The following CCDC91 variants were observed in gnomAD, a reference collection of about 807,000 sequenced individuals.
CCDC91 encodes the protein coiled-coil domain containing 91.
Under a neutral mutation model 63.2 loss-of-function variants are expected in CCDC91, and 48 were observed. The ratio of observed to expected loss-of-function variants is 0.76; its 90% CI spans 0.60 to 0.97. CCDC91 has a LOEUF of 0.97. CCDC91 is among the 50% of genes least tolerant of loss of function. CCDC91 has a pLI of 0.00. For missense variants in CCDC91, 500 were observed against 494.6 expected (o/e 1.01, Z -0.10); for synonymous variants, 167 against 165.8 (o/e 1.01, Z -0.06).
intron 8 of CCDC91, among the ~76,000 whole-genome samples, chr12:28,427,963 A>G (rs1298441220): frequency 2.0e-5 from 3 of 152,214 alleles, no homozygotes; most frequent in African/African-American, 4.8e-5. Context: ...CAGTAAAGGC[A>G]TAAAGTAGGG....
chr12:28,326,042 A>G (rs1010799000), intron 6 of CCDC91, among the ~76,000 whole-genome samples: 3 of 152,142 alleles, frequency 2.0e-5, no homozygotes, highest in African/African-American at 7.2e-5. Flanking sequence ...TAATTCCTTT[A>G]TAGTTGAGGC....
intron 7 of CCDC91, among the ~76,000 whole-genome samples, chr12:28,389,331 T>G (rs569972872): frequency 6.6e-6 from 1 of 152,258 alleles, no homozygotes; most frequent in East Asian, 1.9e-4. Flanking sequence ...TATACCTACC[T>G]TTGTGGGCCT....
At chr12:28,273,501 G>C (rs867547847) in intron 3 of CCDC91, among the ~76,000 whole-genome samples, 2 of 152,162 alleles carry the variant, frequency 1.3e-5, no homozygotes, top group African/African-American at 2.4e-5. Flanking sequence ...TCCAGCACCT[G>C]TTGTTTCCTG....
chr12:28,394,193 G>A (rs985374939), intron 8 of CCDC91, among the ~76,000 whole-genome samples: 2 of 152,150 alleles, frequency 1.3e-5, no homozygotes, highest in Non-Finnish European at 2.9e-5. Context: ...ATTAGTCGTT[G>A]CAGTGGCTCA....
intron 3 of CCDC91, among the ~76,000 whole-genome samples, chr12:28,296,550 A>G (rs1478178172): frequency 1.3e-5 from 2 of 151,870 alleles, no homozygotes; most frequent in Non-Finnish European, 2.9e-5. Context: ...AAAAGCTATT[A>G]TATATTTTTC....
At chr12:28,484,293 G>T in intron 12 of CCDC91, 128 bp downstream of exon 12, 1 of 456,340 alleles carries the variant, frequency 2.2e-6, no homozygotes, top group Non-Finnish European at 3.9e-6. Flanking sequence ...CTTCATCTAA[G>T]GATATTTTCT....
At chr12:28,459,995 T>C (rs981997769) in intron 11 of CCDC91, among the ~76,000 whole-genome samples, 1 of 152,152 alleles carries the variant, frequency 6.6e-6, no homozygotes, top group Non-Finnish European at 1.5e-5. Flanking sequence ...AATTTACATA[T>C]AGGTACTTGT....
intron 8 of CCDC91, among the ~76,000 whole-genome samples, chr12:28,407,907 G>T (rs1259108931): frequency 2.0e-5 from 3 of 150,544 alleles, no homozygotes; most frequent in African/African-American, 7.3e-5. Context: ...TTGCTGCTAG[G>T]ACATAAGGAC....
At chr12:28,378,242 A>G (rs1239532039) in intron 7 of CCDC91, among the ~76,000 whole-genome samples, 1 of 152,090 alleles carries the variant, frequency 6.6e-6, no homozygotes, top group Non-Finnish European at 1.5e-5. Flanking sequence ...TGAAAAGGTC[A>G]GATATATGCT....
At chr12:28,524,526 A>G (rs1287859616) in intron 12 of CCDC91, among the ~76,000 whole-genome samples, 1 of 152,108 alleles carries the variant, frequency 6.6e-6, no homozygotes, top group Non-Finnish European at 1.5e-5. Context: ...GGTTTTTTGC[A>G]TATCTGTTCA....
chr12:28,512,707 C>T (rs1361749586), intron 12 of CCDC91, among the ~76,000 whole-genome samples: 1 of 151,814 alleles, frequency 6.6e-6, no homozygotes, highest in Non-Finnish European at 1.5e-5. Flanking sequence ...TTTGCCAGCC[C>T]CTGGTGTATA....
At chr12:28,420,344 T>C (rs11615857) in intron 8 of CCDC91, among the ~76,000 whole-genome samples, 188 of 152,326 alleles carry the variant, frequency 1.2e-3, no homozygotes, top group Non-Finnish European at 2.0e-3. Flanking sequence ...GTTTGAGCAC[T>C]GTTATTAGCT....
At chr12:28,474,618 G>C (rs1388059023) in intron 11 of CCDC91, among the ~76,000 whole-genome samples, 1 of 152,042 alleles carries the variant, frequency 6.6e-6, no homozygotes, top group Non-Finnish European at 1.5e-5. Flanking sequence ...AAAGAGGGAA[G>C]ATAGGGGGAC....
At chr12:28,268,730 TGGGGAA>T in intron 3 of CCDC91, 1 of 900,724 alleles carries the variant, frequency 1.1e-6, no homozygotes, top group Non-Finnish European at 1.3e-6. Flanking sequence ...AGGGATGGCA[TGGGGAA>T]GGGAGGAGGG....
chr12:28,530,291 C>T (rs182168690), intron 12 of CCDC91, among the ~76,000 whole-genome samples: 1 of 152,290 alleles, frequency 6.6e-6, no homozygotes, highest in East Asian at 1.9e-4. Context: ...CTCAAACTAG[C>T]GTATGAGAGA....
At chr12:28,401,150 C>T (rs1374411255) in intron 8 of CCDC91, among the ~76,000 whole-genome samples, 2 of 152,186 alleles carry the variant, frequency 1.3e-5, no homozygotes, top group East Asian at 3.9e-4. Context: ...TCGTTTCATG[C>T]TGCTAATACA....
At chr12:28,455,880 A>G (rs1313742350) in intron 11 of CCDC91, among the ~76,000 whole-genome samples, 1 of 152,074 alleles carries the variant, frequency 6.6e-6, no homozygotes, top group African/African-American at 2.4e-5. Flanking sequence ...CCCCATTGTT[A>G]CAGATGGGGA....
At chr12:28,416,618 T>C (rs1947679115) in intron 8 of CCDC91, among the ~76,000 whole-genome samples, 1 of 152,046 alleles carries the variant, frequency 6.6e-6, no homozygotes. Flanking sequence ...GATGATCAGA[T>C]GGTGAAGATC....
intron 7 of CCDC91, among the ~76,000 whole-genome samples, chr12:28,362,858 T>G (rs1380500676): frequency 6.6e-6 from 1 of 152,054 alleles, no homozygotes; most frequent in Non-Finnish European, 1.5e-5. Flanking sequence ...GCATGAAATA[T>G]ATCAGAAAAA....
Sources: allele counts gnomAD v4.1 joint callset (sites outside exome capture counted in the v4.1 genomes callset), GRCh38; gene constraint gnomAD v4.1.1; transcripts MANE v1.5; gene names NCBI Gene and HGNC (gene_info 2026-07-23, HGNC 2026-07-21).